CFAP46: variants seen among roughly 807,000 people sequenced by gnomAD.
CFAP46 encodes cilia and flagella associated protein 46.
CFAP46 carries 245 observed loss-of-function variants against 325.7 expected under a neutral mutation model. The ratio of observed to expected loss-of-function variants is 0.75; its 90% CI spans 0.68 to 0.84. The LOEUF (loss-of-function observed/expected upper bound fraction) is 0.84. Ranked by LOEUF, CFAP46 falls within the 40% of genes least tolerant of loss-of-function variation. CFAP46 has a pLI of 0.00. For missense variants in CFAP46, 3,346 were observed against 3,543.0 expected (o/e 0.94, Z 1.41); for synonymous variants, 1,523 against 1,495.9 (o/e 1.02, Z -0.42).
chr10:132,857,531 G>A lies in CFAP46; in HGVS notation c.5574+59C>T, dbSNP rs78361868. 2,166 of 1,536,120 alleles carry A rather than the reference G, an allele frequency of 1.4e-3. 49 individuals carry two copies. The East Asian group carries it at 0.037, about 27-fold the overall frequency. ...GCTGGCTTGTAAGGTAAGTTACAGT[G>A]GGGTTTATATCCCGGTGGGAGTGAC... On this transcript the variant is annotated intron_variant, in intron 39 of 57. Transcript: ENST00000368586.
chr10:132,846,968 G>T lies in CFAP46; in HGVS notation c.6231C>A (p.Asp2077Glu). 1 of 1,610,966 alleles carries T rather than the reference G, an allele frequency of 6.2e-7. No individual in the cohort carries two copies. The highest frequency in any genetic ancestry group is 1.7e-5 in the Admixed American group (1 of 59,968). ...CCAGGAACTGGCAGGTAGTTGCAGG[G>T]TCCAGGGTGCCGACACACTCCACCA... is the stretch of plus-strand genomic sequence containing the variant. The part of the protein sequence containing the change: ...LEMVECVGTL[D>E]PATTCQFLAL... Residue 2077 changes from aspartate (D) to glutamate (E), a missense_variant, in exon 43 of 58, where the codon GAC (aspartate) becomes GAA (glutamate). By Grantham distance (45) the Asp-to-Glu change is conservative. Coordinates refer to ENST00000368586, the MANE Select transcript of CFAP46 (RefSeq NM_001200049.3).
rs552174403 is a variant in CFAP46 at position 132,926,972 on chromosome 10, G to A, written c.967-306C>T. Among the ~76,000 whole-genome samples the A allele has an allele frequency of 1.4e-3, 218 of 152,350 alleles. 2 individuals are homozygous for A. The highest frequency in any genetic ancestry group is 5.0e-3 in the African/African-American group (208 of 41,586). On this transcript the variant is annotated intron_variant, in intron 9 of 57. Coordinates refer to ENST00000368586, the MANE Select transcript of CFAP46 (RefSeq NM_001200049.3). Reference sequence around the variant, plus strand: ...CTGGTACCCAGGCCTCAGCCAGGCTGCTTGGCGGCCCGGGGCTGCGCTGAA... The same window carrying A: ...CTGGTACCCAGGCCTCAGCCAGGCTACTTGGCGGCCCGGGGCTGCGCTGAA...
At chr10:132,941,494 C>T in intron 3 of CFAP46, 97 bp downstream of exon 3, 1 of 1,472,758 alleles carries the variant, frequency 6.8e-7, no homozygotes, top group Non-Finnish European at 9.2e-7. Context: ...ACTCTACTAC[C>T]CTAAGAACGA....
intron 50 of CFAP46, among the ~76,000 whole-genome samples, chr10:132,823,141 T>TGCTGATGTGTGCTGTGTGTGC (rs1449286776): frequency 6.9e-6 from 1 of 144,178 alleles, no homozygotes; most frequent in East Asian, 2.2e-4. Flanking sequence ...GTGCTCTGTG[T>TGCTGATGTGTGCTGTGTGTGC]GCTGATGTGT....
In CFAP46 at chr10:132,877,580, G is replaced by C. The variant is rs939455711; in HGVS notation, c.4212+301C>G. Among the ~76,000 whole-genome samples, 1 of 152,198 alleles carries C rather than the reference G, an allele frequency of 6.6e-6. No homozygotes were observed. Among genetic ancestry groups the C allele is most frequent in the African/African-American group, 2.4e-5 (1 of 41,450 alleles). On this transcript the variant is annotated intron_variant, in intron 30 of 57. Transcript: ENST00000368586. This position sits in a 1 kb window ranked among gnomAD's most constrained non-coding sequence, Gnocchi z 5.7. ...CATTACGTGGCTAGCTCCAGGCCCG[G>C]GATTCCTGCCAGGGACAAGCCAGGG...
chr10:132,861,411 G>A (rs1476017770), intron 35 of CFAP46, among the ~76,000 whole-genome samples: 1 of 152,262 alleles, frequency 6.6e-6, no homozygotes, highest in Non-Finnish European at 1.5e-5. Context: ...TGCCTGAGCT[G>A]AGCGGCAGGA....
At chr10:132,823,525 G>GC (rs1847942364) in intron 50 of CFAP46, among the ~76,000 whole-genome samples, 1 of 118,422 alleles carries the variant, frequency 8.4e-6, no homozygotes, top group South Asian at 3.6e-4. Context: ...TGTGCTGTGT[G>GC]TGCTGTGTGC....
chr10:132,885,819 A>T lies in CFAP46; in HGVS notation c.3443+2T>A, dbSNP rs1395655002. ...CTCACAGGCGGTGGGGGGAGCACTC[A>T]CAGGCGGTGGGCCGTCCTTGGCAGC... On this transcript the variant is annotated splice_donor_variant, in intron 26 of 57. Transcript: ENST00000368586. LOFTEE classifies it high-confidence loss of function. 11 of 1,544,668 alleles carry T rather than the reference A, an allele frequency of 7.1e-6. No homozygotes were observed. Among genetic ancestry groups the T allele is most frequent in the Non-Finnish European group, 7.9e-6 (9 of 1,144,754 alleles).
intron 44 of CFAP46, among the ~76,000 whole-genome samples, chr10:132,837,475 A>T (rs1389184116): frequency 6.8e-6 from 1 of 147,704 alleles, no homozygotes; most frequent in African/African-American, 2.5e-5. Flanking sequence ...GCACAGACAC[A>T]CACATGCACA....
At position 132,909,958 on chromosome 10, in the gene CFAP46, C is replaced by T. The variant is rs899879751; in HGVS notation, c.2610G>A (p.Leu870=). 8.0e-5 allele frequency: 122 copies of T among 1,530,876 alleles called. No individual in the cohort carries two copies. The highest frequency in any genetic ancestry group is 3.9e-4 in the Admixed American group (19 of 48,494). The allele number at this position is 1,530,876 out of a possible 1,614,324, so 94.8% of individuals were successfully genotyped here. The change falls in exon 20 of 58, where the codon CTG becomes CTA. Residue 870 remains leucine (L), a synonymous_variant. Transcript: ENST00000368586. The part of the protein sequence containing the change: ...IATWVKAKQL[L]QQQIGPRLGT... ...CCAGCCGTGGCCCAATCTGCTGCTG[C>T]AGCAGCTGCTTGGCCTTGACCCAGG... is the stretch of plus-strand genomic sequence containing the variant.
intron 46 of CFAP46, among the ~76,000 whole-genome samples, chr10:132,835,868 C>T (rs1848233076): frequency 2.2e-5 from 3 of 138,216 alleles, no homozygotes; most frequent in African/African-American, 8.2e-5. Context: ...GAAACCACTC[C>T]CCTCCCGCCC....
At chr10:132,918,367 G>A (rs200900859) in intron 16 of CFAP46, 26 bp downstream of exon 16, 9 of 1,513,524 alleles carry the variant, frequency 5.9e-6, no homozygotes, top group Non-Finnish European at 6.2e-6. Context: ...CCTCAGCACC[G>A]ATGAACCCCC....
At chr10:132,868,641 C>A (rs1848852173) in intron 33 of CFAP46, among the ~76,000 whole-genome samples, 1 of 152,184 alleles carries the variant, frequency 6.6e-6, no homozygotes, top group Admixed American at 6.5e-5. Context: ...AAAATATGAA[C>A]AGGGTTATGC....
rs2051492007 is a variant in CFAP46 at position 132,867,410 on chromosome 10, G to T, written c.4708C>A (p.Pro1570Thr). ...GCGTCCAGTGGTTTGATCTCCCCAG[G>T]CTGGACAGGAAGTGTCTGCTCATTC... ...ALNEQTLPVQ[P>T]GEIKPLDAKD... The change falls in exon 34 of 58, where the codon CCT becomes ACT. Residue 1570 changes from proline (P) to threonine (T), a missense_variant. Pro to Thr is a conservative substitution (Grantham distance 38, BLOSUM62 -1). Transcript: ENST00000368586. 6.4e-7 allele frequency: 1 copy of T among 1,550,564 alleles called. No homozygotes were observed. Among genetic ancestry groups the T allele is most frequent in the Middle Eastern group, 1.7e-4 (1 of 5,978 alleles).
chr10:132,887,574 T>C (rs1359629046), intron 25 of CFAP46, among the ~76,000 whole-genome samples: 5 of 40,180 alleles, frequency 1.2e-4, no homozygotes, highest in Admixed American at 2.2e-4. Context: ...TCTCCTCTCC[T>C]CTCCCCTCTT....
intron 50 of CFAP46, among the ~76,000 whole-genome samples, chr10:132,831,057 T>C (rs973010265): frequency 6.6e-6 from 1 of 152,202 alleles, no homozygotes; most frequent in Non-Finnish European, 1.5e-5. Flanking sequence ...TTAAGAAGCA[T>C]ATTTAGTTTC....
At position 132,919,868 on chromosome 10, in the gene CFAP46, C is replaced by G. The variant is rs1849694777; in HGVS notation, c.1730+191G>C. ...ACCTCATAGGCCGTGGCTGTCATCACAGGCTGGGGGGTCCCGTCTGTGGCG... is the reference window on the plus strand; with the variant it reads ...ACCTCATAGGCCGTGGCTGTCATCAGAGGCTGGGGGGTCCCGTCTGTGGCG... On this transcript the variant is annotated intron_variant, in intron 14 of 57. Transcript: ENST00000368586. This position sits in a 1 kb window ranked among gnomAD's most constrained non-coding sequence, Gnocchi z 9.7. 1.3e-5 allele frequency among the ~76,000 whole-genome samples: 2 copies of G among 152,274 alleles called. No homozygotes were observed. The highest frequency in any genetic ancestry group is 4.1e-4 in the South Asian group (2 of 4,824).
At chr10:132,901,572 CTG>C (rs1041790558) in intron 22 of CFAP46, among the ~76,000 whole-genome samples, 1 of 152,214 alleles carries the variant, frequency 6.6e-6, no homozygotes, top group African/African-American at 2.4e-5. Context: ...TCAGCCCGCC[CTG>C]TGTGTTTCCA....
rs371661743 is a variant in CFAP46 at position 132,864,230 on chromosome 10, CCT to C, written c.4890+1793_4890+1794del. 5.1e-3 allele frequency among the ~76,000 whole-genome samples: 713 copies of C among 140,838 alleles called. 8 individuals are homozygous for C. Among genetic ancestry groups the C allele is most frequent in the South Asian group, 0.015 (61 of 4,004 alleles). 92.4% of individuals were successfully genotyped at this position (140,838 alleles called of 152,430 possible). A position where few individuals can be genotyped will look rare whatever the true frequency, so the allele number is the denominator to read the frequency against. ...CCTGAGACCTGCACACACCTGTCCC[CCT>C]GACACCTGCACACACCCGTCCCCAG... On this transcript the variant is annotated intron_variant, in intron 35 of 57. Coordinates refer to ENST00000368586, the MANE Select transcript of CFAP46 (RefSeq NM_001200049.3).
Sources: allele counts gnomAD v4.1 joint callset (sites outside exome capture counted in the v4.1 genomes callset), GRCh38; gene constraint gnomAD v4.1.1; non-coding constraint Gnocchi (gnomAD v3.1); transcripts MANE v1.5; gene names NCBI Gene and HGNC (gene_info 2026-07-23, HGNC 2026-07-21).